Variants in TBC1D5 observed in about 807,000 individuals in gnomAD.
TBC1D5 encodes the protein TBC1 domain family, member 5.
In TBC1D5, 75 loss-of-function variants were observed where a neutral mutation model predicts 100.3. The observed-to-expected ratio is 0.75, with a 90% confidence interval of 0.62 to 0.91. TBC1D5 has a LOEUF of 0.91. Among genes scored for constraint, TBC1D5 ranks in the 40% least tolerant of loss-of-function variants. The pLI is 0.00. For synonymous variants in TBC1D5, 323 were observed against 325.6 expected, an observed-to-expected ratio of 0.99 and a Z score of 0.09; for missense variants, 910 against 942.4, an observed-to-expected ratio of 0.97 and a Z score of 0.45.
At chr3:17,274,709 G>A (rs2079797991) in intron 15 of TBC1D5, among the ~76,000 whole-genome samples, 1 of 152,118 alleles carries the variant, frequency 6.6e-6, no homozygotes, top group Non-Finnish European at 1.5e-5. Flanking sequence ...CCCACTTTAA[G>A]TAGAATAAAT....
At chr3:17,173,308 C>T (rs987709605) in intron 19 of TBC1D5, among the ~76,000 whole-genome samples, 17 of 152,278 alleles carry the variant, frequency 1.1e-4, no homozygotes, top group African/African-American at 4.1e-4. Flanking sequence ...TATGCAGAGG[C>T]ACAGGATGGG....
chr3:17,290,861 A>G (rs538278350), intron 15 of TBC1D5, among the ~76,000 whole-genome samples: 1 of 152,362 alleles, frequency 6.6e-6, no homozygotes, highest in South Asian at 2.1e-4. Flanking sequence ...GAGAAATGAT[A>G]TGAAAGTTCA....
At chr3:17,255,861 AC>A (rs1162825017) in intron 16 of TBC1D5, among the ~76,000 whole-genome samples, 7 of 151,918 alleles carry the variant, frequency 4.6e-5, no homozygotes, top group Non-Finnish European at 1.0e-4. Context: ...ACACGGTGAA[AC>A]CCCGTCTACT....
chr3:17,257,109 A>G lies in TBC1D5; in HGVS notation c.1331+1397T>C, dbSNP rs539356081. Among the ~76,000 whole-genome samples the G allele has an allele frequency of 2.0e-5, 3 of 152,224 alleles. No individual in the cohort carries two copies. In the South Asian group the frequency reaches 6.2e-4, roughly 32 times the overall value. On this transcript the variant is annotated intron_variant, in intron 16 of 21. Transcript: ENST00000253692. The stretch of plus-strand genomic sequence containing the variant: ...CAATAGGAAGCCTTTGGAGATGTTT[A>G]CATGGAGGTATGATATAACCTGTTA...
chr3:17,433,354 C>T (rs2094478007), intron 3 of TBC1D5, among the ~76,000 whole-genome samples: 2 of 152,186 alleles, frequency 1.3e-5, no homozygotes, highest in Admixed American at 6.5e-5. Context: ...TTAATTGACT[C>T]GCAGTTCCAC....
intron 13 of TBC1D5, among the ~76,000 whole-genome samples, chr3:17,344,570 A>C (rs554278843): frequency 2.6e-4 from 40 of 152,248 alleles, no homozygotes; most frequent in African/African-American, 8.4e-4. Context: ...AAACTACTTT[A>C]AAGTTCATAT....
intron 13 of TBC1D5, among the ~76,000 whole-genome samples, chr3:17,337,115 T>C (rs1041773469): frequency 9.8e-5 from 14 of 143,406 alleles, no homozygotes; most frequent in African/African-American, 3.2e-4. Flanking sequence ...ACCAAAATTA[T>C]CTGAGAGGTT....
intron 18 of TBC1D5, among the ~76,000 whole-genome samples, chr3:17,188,240 G>A (rs1478541337): frequency 6.6e-6 from 1 of 152,148 alleles, no homozygotes; most frequent in African/African-American, 2.4e-5. Flanking sequence ...GCAGTCCAGG[G>A]CACTTGCTGG....
At chr3:17,245,311 A>G (rs1455193163) in intron 16 of TBC1D5, among the ~76,000 whole-genome samples, 2 of 152,154 alleles carry the variant, frequency 1.3e-5, no homozygotes, top group African/African-American at 4.8e-5. Context: ...TTCTATATCT[A>G]ATTTTAATTT....
intron 2 of TBC1D5, among the ~76,000 whole-genome samples, chr3:17,576,718 T>C (rs897168944): frequency 6.6e-6 from 1 of 152,018 alleles, no homozygotes; most frequent in African/African-American, 2.4e-5. Flanking sequence ...AGCACGTGTA[T>C]ACACAAAATG....
chr3:17,689,070 T>C (rs573106555), intron 1 of TBC1D5, among the ~76,000 whole-genome samples: 1 of 152,180 alleles, frequency 6.6e-6, no homozygotes, highest in Non-Finnish European at 1.5e-5. Context: ...CTTCAAAATT[T>C]TCCATATTTT....
At chr3:17,666,111 A>G (rs143194135) in intron 1 of TBC1D5, among the ~76,000 whole-genome samples, 149 of 152,284 alleles carry the variant, frequency 9.8e-4, no homozygotes, top group Middle Eastern at 3.4e-3. Flanking sequence ...TCAAAGTATA[A>G]ATATTTTTAG....
intron 1 of TBC1D5, among the ~76,000 whole-genome samples, chr3:17,663,838 A>AT (rs2066928104): frequency 6.6e-6 from 1 of 152,222 alleles, no homozygotes; most frequent in African/African-American, 2.4e-5. Flanking sequence ...CATCTATATA[A>AT]TAACAGAATG....
chr3:17,333,898 G>A (rs2087259530), intron 13 of TBC1D5, among the ~76,000 whole-genome samples: 1 of 149,708 alleles, frequency 6.7e-6, no homozygotes, highest in Admixed American at 6.7e-5. Context: ...GCATGAGTAG[G>A]GTTTGGGTTT....
At chr3:17,173,848 T>G (rs1340101866) in intron 19 of TBC1D5, among the ~76,000 whole-genome samples, 1 of 152,184 alleles carries the variant, frequency 6.6e-6, no homozygotes, top group Admixed American at 6.5e-5. Context: ...AGTGTGACAG[T>G]GGCTTAAGAG....
intron 1 of TBC1D5, among the ~76,000 whole-genome samples, chr3:17,653,207 G>A (rs908232488): frequency 3.9e-5 from 6 of 152,058 alleles, no homozygotes; most frequent in African/African-American, 1.4e-4. Context: ...TCCTTTTGAG[G>A]TGATGAAAAT....
chr3:17,242,932 A>G (rs964363334), intron 16 of TBC1D5, among the ~76,000 whole-genome samples: 1 of 152,116 alleles, frequency 6.6e-6, no homozygotes, highest in African/African-American at 2.4e-5. Flanking sequence ...TTTACTTCTC[A>G]TCTGATAGTG....
At chr3:17,513,465 A>G (rs1275622098) in intron 2 of TBC1D5, among the ~76,000 whole-genome samples, 13 of 152,188 alleles carry the variant, frequency 8.5e-5, no homozygotes, top group Non-Finnish European at 1.9e-4. Context: ...CATGAGCAGA[A>G]CCTCTAGAAA....
chr3:17,427,073 A>G (rs1413264050), intron 4 of TBC1D5, among the ~76,000 whole-genome samples: 1 of 151,996 alleles, frequency 6.6e-6, no homozygotes, highest in Non-Finnish European at 1.5e-5. Context: ...GATTCTACCT[A>G]TAGTTTAGTA....
Sources: allele counts gnomAD v4.1 joint callset (sites outside exome capture counted in the v4.1 genomes callset), GRCh38; gene constraint gnomAD v4.1.1; transcripts MANE v1.5; gene names NCBI Gene and HGNC (gene_info 2026-07-23, HGNC 2026-07-21).